Variants in RAD54B observed in about 807,000 individuals in gnomAD.
RAD54B encodes DNA repair and recombination protein RAD54B.
A neutral mutation model predicts 95.8 loss-of-function variants in RAD54B; 78 were observed. That is an observed-to-expected ratio of 0.81 (90% confidence interval 0.68 to 0.98). The LOEUF is 0.98. Ranked by LOEUF, RAD54B falls within the 50% of genes least tolerant of loss-of-function variation. The probability of loss-of-function intolerance (pLI) is 0.00; values close to 1 mark genes in which losing one functional copy is unlikely to be tolerated. For synonymous variants in RAD54B, 328 were observed against 354.9 expected, an observed-to-expected ratio of 0.92 and a Z score of 0.85; for missense variants, 957 against 1,056.6, an observed-to-expected ratio of 0.91 and a Z score of 1.31.
intron 3 of RAD54B, chr8:94,428,903 T>G: frequency 1.0e-6 from 1 of 985,236 alleles, no homozygotes; most frequent in Non-Finnish European, 1.2e-6. Flanking sequence ...AGATACTCTG[T>G]AAGATAATAA....
intron 2 of RAD54B, among the ~76,000 whole-genome samples, chr8:94,465,671 G>C (rs1813008152): frequency 6.6e-6 from 1 of 152,038 alleles, no homozygotes; most frequent in East Asian, 1.9e-4. Context: ...TAATCCAAAA[G>C]AATTAAAACA....
chr8:94,412,275 T>C (rs1811548132), intron 3 of RAD54B, among the ~76,000 whole-genome samples: 1 of 152,140 alleles, frequency 6.6e-6, no homozygotes, highest in African/African-American at 2.4e-5. Context: ...CATTCATCCA[T>C]TGATGGACAC....
chr8:94,403,992 A>G (rs963758391), intron 6 of RAD54B, 85 bp downstream of exon 6: 53 of 1,113,046 alleles, frequency 4.8e-5, no homozygotes, highest in Non-Finnish European at 6.0e-5. Context: ...GACTCATTAT[A>G]TTAGGATCTT....
chr8:94,382,130 A>AAC (rs1349680568), intron 11 of RAD54B, among the ~76,000 whole-genome samples: 1 of 150,334 alleles, frequency 6.7e-6, no homozygotes, highest in East Asian at 2.0e-4. Context: ...AAAAAAAAAA[A>AAC]GAGAGCGAGA....
chr8:94,393,938 T>A, intron 8 of RAD54B, 56 bp from the exon 9 acceptor site: 1 of 1,458,372 alleles, frequency 6.9e-7, no homozygotes, highest in South Asian at 1.4e-5. Context: ...AATCACAATC[T>A]CAGGTTTATA....
intron 3 of RAD54B, among the ~76,000 whole-genome samples, chr8:94,441,409 A>G (rs1218301160): frequency 6.6e-6 from 1 of 152,158 alleles, no homozygotes; most frequent in Non-Finnish European, 1.5e-5. Context: ...AGTTTGCTAG[A>G]GTGGTCACAG....
chr8:94,385,686 A>C (rs1362647496), intron 11 of RAD54B, among the ~76,000 whole-genome samples: 1 of 152,174 alleles, frequency 6.6e-6, no homozygotes, highest in Non-Finnish European at 1.5e-5. Flanking sequence ...CAATCCTCCC[A>C]CCTTGGTCTC....
chr8:94,436,688 G>C, intron 3 of RAD54B: 2 of 1,550,568 alleles, frequency 1.3e-6, no homozygotes, highest in Non-Finnish European at 1.7e-6. Flanking sequence ...GTTCGAGGAG[G>C]GCGGTCTACT....
chr8:94,457,531 A>C (rs1812804851), intron 3 of RAD54B, among the ~76,000 whole-genome samples: 1 of 152,226 alleles, frequency 6.6e-6, no homozygotes, highest in Non-Finnish European at 1.5e-5. Context: ...AACTTCCTTC[A>C]AAATGGTGCT....
Position 94,465,729 on chromosome 8 carries a change from C to T in RAD54B, c.135+1676G>A, listed in dbSNP as rs1049162963. Among the ~76,000 whole-genome samples the T allele has an allele frequency of 5.3e-5, 8 of 152,216 alleles. No homozygotes were observed. In the East Asian group the frequency reaches 1.2e-3, roughly 22 times the overall value. On this transcript the variant is annotated intron_variant, in intron 2 of 14. Coordinates refer to ENST00000336148, the MANE Select transcript of RAD54B (RefSeq NM_012415.3). ...TGCCAATGTTCACAGCAGCATTATT[C>T]GCCATAGCAAAAAGGTGGAAACTGC...
chr8:94,386,128 T>TG (rs1230245369), intron 11 of RAD54B, among the ~76,000 whole-genome samples: 2 of 152,050 alleles, frequency 1.3e-5, no homozygotes, highest in African/African-American at 4.8e-5. Context: ...TTATAAGAGA[T>TG]CATCATAACC....
chr8:94,401,154 C>A (rs2515104), intron 6 of RAD54B, among the ~76,000 whole-genome samples: 131,096 of 152,170 alleles, frequency 0.86, 57,752 homozygotes, highest in Non-Finnish European at 0.96. Context: ...AGGATATTAC[C>A]AAAATACATA....
At chr8:94,449,168 T>A (rs1216817127) in intron 3 of RAD54B, among the ~76,000 whole-genome samples, 1 of 151,424 alleles carries the variant, frequency 6.6e-6, no homozygotes, top group Non-Finnish European at 1.5e-5. Flanking sequence ...TAATATTAGG[T>A]CTTATACCAC....
chr8:94,379,141 A>G (rs1237738698), intron 12 of RAD54B, among the ~76,000 whole-genome samples: 1 of 152,208 alleles, frequency 6.6e-6, no homozygotes, highest in African/African-American at 2.4e-5. Context: ...AACTTCTAAG[A>G]GATCATCTCT....
intron 3 of RAD54B, among the ~76,000 whole-genome samples, chr8:94,440,788 G>C (rs1353008704): frequency 6.6e-6 from 1 of 151,944 alleles, no homozygotes; most frequent in Non-Finnish European, 1.5e-5. Flanking sequence ...GATAGTGTTA[G>C]ATCTCAAAGG....
chr8:94,448,760 G>T (rs1303350186), intron 3 of RAD54B, among the ~76,000 whole-genome samples: 1 of 151,192 alleles, frequency 6.6e-6, no homozygotes, highest in African/African-American at 2.4e-5. Flanking sequence ...GAACAGAAAG[G>T]TGGGTTGGTG....
intron 11 of RAD54B, among the ~76,000 whole-genome samples, chr8:94,381,538 C>T (rs1486641827): frequency 2.6e-5 from 4 of 151,912 alleles, no homozygotes; most frequent in Non-Finnish European, 5.9e-5. Flanking sequence ...GAAAACTTTC[C>T]GAAAATAATT....
At chr8:94,395,657 T>A (rs1811126072) in intron 8 of RAD54B, among the ~76,000 whole-genome samples, 1 of 152,136 alleles carries the variant, frequency 6.6e-6, no homozygotes, top group Non-Finnish European at 1.5e-5. Flanking sequence ...ATGTGACTCA[T>A]CCTGGCCAAT....
rs188945747 is a variant in RAD54B at position 94,436,458 on chromosome 8, G to C, written c.304+21810C>G. The C allele has an allele frequency of 2.7e-6, 4 of 1,491,350 alleles. No individual in the cohort carries two copies. The African/African-American group carries it at 5.7e-5, about 21-fold the overall frequency. 92.4% of individuals were successfully genotyped at this position (1,491,350 alleles called of 1,614,324 possible). A position where few individuals can be genotyped will look rare whatever the true frequency, so the allele number is the denominator to read the frequency against. On this transcript the variant is annotated intron_variant, in intron 3 of 14. Transcript: ENST00000336148. Reference sequence around the variant, plus strand: ...AGCCAAAGCCCAATAGATAGGAGGCGCCATAATTTTCCATAACAAAACAAA... The same window carrying C: ...AGCCAAAGCCCAATAGATAGGAGGCCCCATAATTTTCCATAACAAAACAAA...
Sources: gnomAD v4.1 joint callset for allele counts (sites outside exome capture counted in the v4.1 genomes callset) on GRCh38, gnomAD v4.1.1 for gene constraint, MANE v1.5 for transcripts, NCBI Gene and HGNC (gene_info 2026-07-23, HGNC 2026-07-21) for gene names.